The following RPS27L variants were observed in gnomAD, a reference collection of about 807,000 sequenced individuals.
RPS27L encodes the protein ribosomal protein S27 like.
RPS27L carries 10 observed loss-of-function variants against 12.8 expected under a neutral mutation model. The ratio of observed to expected loss-of-function variants is 0.78; its 90% CI spans 0.48 to 1.33. The LOEUF (loss-of-function observed/expected upper bound fraction) is 1.33. Among genes scored for constraint, RPS27L ranks in the 40% most tolerant of loss-of-function variants. The pLI is 0.00. For synonymous variants in RPS27L, 26 were observed against 32.3 expected (o/e 0.81, Z 0.66); for missense variants, 81 against 97.4 (o/e 0.83, Z 0.71).
At chr15:63,154,101 T>C in intron 3 of RPS27L, 41 bp from the exon 4 acceptor site, 1 of 1,521,014 alleles carries the variant, frequency 6.6e-7, no homozygotes, top group Non-Finnish European at 9.0e-7. Flanking sequence ...AAGTGCATTC[T>C]ACCTTTGCTA....
At chr15:63,156,754 T>C (rs756221456) in intron 1 of RPS27L, 7 of 597,756 alleles carry the variant, frequency 1.2e-5, no homozygotes, top group African/African-American at 3.8e-5. Flanking sequence ...AGGAAACATA[T>C]GGTAAGGCAA....
chr15:63,157,250 T>C, intron 1 of RPS27L, 150 bp downstream of exon 1: 3 of 877,950 alleles, frequency 3.4e-6, no homozygotes, highest in Admixed American at 3.9e-5. Flanking sequence ...AGTCACTACA[T>C]GCCCGCCACG....
Position 63,157,377 on chromosome 15 carries a change from G to A in RPS27L, c.6+23C>T, listed in dbSNP as rs1204224976. On this transcript the variant is annotated intron_variant, in intron 1 of 3. Transcript: ENST00000330964. ...CGGTAAAGAAGCCCAAAACAAACCC[G>A]GAGCCCGATGTAAACAACTCACAGG... 1.9e-6 allele frequency: 3 copies of A among 1,613,842 alleles called. No individual in the cohort carries two copies. The Admixed American group carries it at 5.0e-5, about 27-fold the overall frequency.
chr15:63,156,299 T>C, intron 2 of RPS27L, 114 bp downstream of exon 2: 1 of 595,976 alleles, frequency 1.7e-6, no homozygotes, highest in South Asian at 2.3e-5. Flanking sequence ...TTTCCAATTC[T>C]GTAATCCCAC....
At chr15:63,156,351 A>G (rs1595722612) in intron 2 of RPS27L, 62 bp downstream of exon 2, 1 of 835,490 alleles carries the variant, frequency 1.2e-6, no homozygotes, top group East Asian at 2.4e-5. Context: ...AACTATACAC[A>G]CCACACTAGC....
intron 1 of RPS27L, chr15:63,157,037 A>G (rs2037336916): frequency 2.7e-6 from 1 of 374,014 alleles, no homozygotes; most frequent in Non-Finnish European, 4.8e-6. Flanking sequence ...AACAAGTAGG[A>G]AATCGCTTCC....
Position 63,157,473 on chromosome 15 carries a change from T to A in RPS27L, c.-68A>T. 6.3e-7 allele frequency: 1 copy of A among 1,590,864 alleles called. No individual in the cohort carries two copies. On this transcript the variant is annotated 5_prime_UTR_variant, in exon 1 of 4. Transcript: ENST00000330964. ...CACACAGCTAGCAAGCTGCAAGCGA[T>A]CTGCGCTCGGCATCAACTTCCGGGA...
intron 1 of RPS27L, 61 bp downstream of exon 1, chr15:63,157,339 C>T: frequency 6.3e-7 from 1 of 1,587,166 alleles, no homozygotes; most frequent in Non-Finnish European, 8.7e-7. Flanking sequence ...ACTCATCCGT[C>T]CCATATGACT....
intron 3 of RPS27L, 160 bp from the exon 4 acceptor site, chr15:63,154,220 A>C (rs2037318166): frequency 3.3e-6 from 2 of 605,708 alleles, no homozygotes; most frequent in South Asian, 4.5e-5. Flanking sequence ...AATTTGCTAT[A>C]ATACATCTAT....
intron 3 of RPS27L, 23 bp from the exon 4 acceptor site, chr15:63,154,083 T>C: frequency 4.4e-6 from 7 of 1,593,084 alleles, no homozygotes; most frequent in Non-Finnish European, 6.0e-6. Flanking sequence ...CATGAGAGTA[T>C]ATTAAACAAG....
At chr15:63,156,265 T>G in intron 2 of RPS27L, 148 bp downstream of exon 2, 1 of 566,596 alleles carries the variant, frequency 1.8e-6, no homozygotes, top group Non-Finnish European at 3.1e-6. Flanking sequence ...TTTCAGTACA[T>G]TTATTATGAA....
Position 63,153,033 on chromosome 15 carries a change from C to T in RPS27L, c.*999G>A, listed in dbSNP as rs1184380061. The T allele has an allele frequency of 6.6e-6, 1 of 152,192 alleles. No homozygotes were observed. Among genetic ancestry groups the T allele is most frequent in the Non-Finnish European group, 1.5e-5 (1 of 68,064 alleles). The allele number at this position is 152,192 out of a possible 1,614,324, so 9.4% of individuals were successfully genotyped here. On this transcript the variant is annotated 3_prime_UTR_variant, in exon 4 of 4. Coordinates refer to ENST00000330964, the MANE Select transcript of RPS27L (RefSeq NM_015920.4). ...TTGTATAGTGAGTGGATACACTCCCCGTCTCAGCTCCCCAGGATTACTTCA... is the reference window on the plus strand; with the variant it reads ...TTGTATAGTGAGTGGATACACTCCCTGTCTCAGCTCCCCAGGATTACTTCA...
intron 3 of RPS27L, 101 bp downstream of exon 3, chr15:63,155,520 A>C (rs2037326309): frequency 9.7e-6 from 7 of 724,112 alleles, no homozygotes; most frequent in African/African-American, 1.8e-5. Flanking sequence ...AAGATAAGTT[A>C]TTTTGGTAAT....
rs1036414845 is a variant in RPS27L at position 63,157,318 on chromosome 15, G to C, written c.6+82C>G. 6.0e-6 allele frequency: 9 copies of C among 1,488,906 alleles called. No homozygotes were observed. In the African/African-American group the frequency reaches 9.7e-5, roughly 16 times the overall value. The allele number at this position is 1,488,906 out of a possible 1,614,324, so 92.2% of individuals were successfully genotyped here. A position where few individuals can be genotyped will look rare whatever the true frequency, so the allele number is the denominator to read the frequency against. ...CCACTCTCGGACACTACAGGCCCGA[G>C]AGGCAGCCGGACTCATCCGTCCCAT... On this transcript the variant is annotated intron_variant, in intron 1 of 3. Transcript: ENST00000330964.
chr15:63,157,228 G>T, intron 1 of RPS27L, 172 bp downstream of exon 1: 4 of 729,358 alleles, frequency 5.5e-6, no homozygotes, highest in East Asian at 2.5e-5. Context: ...GCCGCGCCGC[G>T]GTGACCGGGC....
Position 63,152,350 on chromosome 15 carries a change from A to C in RPS27L, c.*1682T>G, listed in dbSNP as rs192074642. On this transcript the variant is annotated 3_prime_UTR_variant, in exon 4 of 4. Coordinates refer to ENST00000330964, the MANE Select transcript of RPS27L (RefSeq NM_015920.4). ...AAATGGCTACTAGAGTTGTTAGAAC[A>C]TAAGTTAATAAATGTAACTGTTAGG... The C allele has an allele frequency of 5.3e-5, 8 of 152,328 alleles. No individual in the cohort carries two copies. Among genetic ancestry groups the C allele is most frequent in the Admixed American group, 3.9e-4 (6 of 15,306 alleles). 9.4% of individuals were successfully genotyped at this position (152,328 alleles called of 1,614,324 possible). A position where few individuals can be genotyped will look rare whatever the true frequency, so the allele number is the denominator to read the frequency against.
chr15:63,156,326 G>T (rs1215376306), intron 2 of RPS27L, 87 bp downstream of exon 2: 2 of 676,294 alleles, frequency 3.0e-6, no homozygotes, highest in Non-Finnish European at 2.6e-6. Context: ...TCAACAGAGG[G>T]TTCTAATGTA....
chr15:63,150,208 G>A lies in RPS27L; in HGVS notation c.*3824C>T, dbSNP rs2037291166. 1 of 152,226 alleles carries A rather than the reference G, an allele frequency of 6.6e-6. No homozygotes were observed. Among genetic ancestry groups the A allele is most frequent in the Non-Finnish European group, 1.5e-5 (1 of 68,050 alleles). 9.4% of individuals were successfully genotyped at this position (152,226 alleles called of 1,614,324 possible). A position where few individuals can be genotyped will look rare whatever the true frequency, so the allele number is the denominator to read the frequency against. On this transcript the variant is annotated 3_prime_UTR_variant, in exon 4 of 4. Transcript: ENST00000330964. ...ATTGATACATGCAACAGCATGGACAGCCCTTGAAAACATTATGCTAAGTGA... is the reference window on the plus strand; with the variant it reads ...ATTGATACATGCAACAGCATGGACAACCCTTGAAAACATTATGCTAAGTGA...
rs991290495 is a variant in RPS27L at position 63,153,815 on chromosome 15, C to T, written c.*217G>A. On this transcript the variant is annotated 3_prime_UTR_variant, in exon 4 of 4. Transcript: ENST00000330964. Reference sequence around the variant, plus strand: ...ATACACCATATATATAAATGTATGGCATACTCAAATATATTTTAAAAAAAG... The same window carrying T: ...ATACACCATATATATAAATGTATGGTATACTCAAATATATTTTAAAAAAAG... 12 of 537,316 alleles carry T rather than the reference C, an allele frequency of 2.2e-5. No homozygotes were observed. Among genetic ancestry groups the T allele is most frequent in the African/African-American group, 2.1e-4 (11 of 51,736 alleles). 33.3% of individuals were successfully genotyped at this position (537,316 alleles called of 1,614,324 possible).
Sources: gnomAD v4.1 joint callset for allele counts on GRCh38, gnomAD v4.1.1 for gene constraint, MANE v1.5 for transcripts, NCBI Gene and HGNC (gene_info 2026-07-23, HGNC 2026-07-21) for gene names.